SYNE1: variants seen among roughly 807,000 people sequenced by gnomAD.
SYNE1 encodes the protein nesprin-1.
A neutral mutation model predicts 1,111.0 loss-of-function variants in SYNE1; 616 were observed. The observed-to-expected ratio is 0.55, with a 90% CI of 0.52 to 0.59. The LOEUF is 0.59. Among genes scored for constraint, SYNE1 ranks in the 20% least tolerant of loss-of-function variants. The probability of loss-of-function intolerance (pLI) is 0.00; values close to 1 mark genes in which losing one functional copy is unlikely to be tolerated. For synonymous variants in SYNE1, 3,855 were observed against 3,825.8 expected, an observed-to-expected ratio of 1.01 and a Z score of -0.28; for missense variants, 10,006 against 10,417.0, an observed-to-expected ratio of 0.96 and a Z score of 1.72.
At chr6:152,514,490 C>G (rs2099101362) in intron 6 of SYNE1, among the ~76,000 whole-genome samples, 6 of 151,870 alleles carry the variant, frequency 4.0e-5, no homozygotes, top group Admixed American at 3.9e-4. Flanking sequence ...GGGTAGGGGA[C>G]TAGGGGAGGG....
At chr6:152,387,661 T>C (rs1379341141) in intron 53 of SYNE1, among the ~76,000 whole-genome samples, 1 of 152,222 alleles carries the variant, frequency 6.6e-6, no homozygotes, top group Non-Finnish European at 1.5e-5. Flanking sequence ...CTATTCTAAA[T>C]GAGCAATATA....
chr6:152,458,997 A>T, intron 21 of SYNE1, 67 bp from the exon 22 acceptor site: 1 of 1,402,064 alleles, frequency 7.1e-7, no homozygotes, highest in Non-Finnish European at 1.0e-6. Flanking sequence ...GGGAACGTTC[A>T]TAGCTCTGAG....
intron 135 of SYNE1, among the ~76,000 whole-genome samples, chr6:152,150,944 G>A (rs2152906766): frequency 6.6e-6 from 1 of 152,218 alleles, no homozygotes; most frequent in East Asian, 1.9e-4. Flanking sequence ...AGGAAGGGTG[G>A]CTCACACCTG....
intron 3 of SYNE1, among the ~76,000 whole-genome samples, chr6:152,569,451 A>G (rs960969846): frequency 3.3e-5 from 5 of 152,208 alleles, no homozygotes; most frequent in African/African-American, 9.6e-5. Context: ...CATATGTATC[A>G]GTGCTTATAT....
At chr6:152,244,825 T>C (rs1283588120) in intron 105 of SYNE1, among the ~76,000 whole-genome samples, 169 bp from the exon 106 acceptor site, 9 of 152,116 alleles carry the variant, frequency 5.9e-5, no homozygotes, top group Admixed American at 5.9e-4. Context: ...TCAGAGGGTA[T>C]ATAGAAAACA....
At position 152,201,901 on chromosome 6, in the gene SYNE1, G is replaced by A. The variant is rs749432519; in HGVS notation, c.23068C>T (p.Arg7690Ter). The change falls in exon 127 of 146, where the codon CGA becomes TGA. Residue 7690 changes from arginine to a stop codon, truncating the protein, a stop_gained. Transcript: ENST00000367255. LOFTEE classifies it high-confidence loss of function. ...KGIADSLEKL[R>*]TFKKKLSQSL... ...TGCGAAAGCTTCTTTTTGAAAGTTC[G>A]TAGTTTCTCCAGGGAATCTGCTATT... is the stretch of plus-strand genomic sequence containing the variant. 6.8e-6 allele frequency: 11 copies of A among 1,613,928 alleles called. No individual in the cohort carries two copies. Among genetic ancestry groups the A allele is most frequent in the Non-Finnish European group, 8.5e-6 (10 of 1,179,840 alleles).
intron 91 of SYNE1, among the ~76,000 whole-genome samples, chr6:152,305,296 C>T (rs989284701): frequency 6.6e-6 from 1 of 152,098 alleles, no homozygotes; most frequent in Non-Finnish European, 1.5e-5. Flanking sequence ...GACAGAGTCT[C>T]TCTCTGTTGC....
chr6:152,628,416 G>T lies in SYNE1; in HGVS notation c.-85C>A. 1 of 1,341,994 alleles carries T rather than the reference G, an allele frequency of 7.5e-7. No homozygotes were observed. The allele number at this position is 1,341,994 out of a possible 1,614,324, so 83.1% of individuals were successfully genotyped here. On this transcript the variant is annotated 5_prime_UTR_variant, in exon 3 of 146. Transcript: ENST00000367255. The stretch of plus-strand genomic sequence containing the variant: ...CTACACCACTCTAGAAAACATGCTT[G>T]GACTTTTCTAGATCTATTCTGTCAT...
rs1178505041 is a variant in SYNE1, at chr6:152,354,655, G to A, written c.10926+4C>T. On this transcript the variant is annotated splice_donor_region_variant and intron_variant, in intron 67 of 145. Coordinates refer to ENST00000367255, the MANE Select transcript of SYNE1 (RefSeq NM_182961.4). ...CAAAGATCAGGAATCTACATGAGTT[G>A]TACCTTCATCTGATGTAATTGTATC... 1.2e-6 allele frequency: 2 copies of A among 1,613,964 alleles called. No individual in the cohort carries two copies. Among genetic ancestry groups the A allele is most frequent in the African/African-American group, 2.7e-5 (2 of 74,942 alleles).
intron 10 of SYNE1, among the ~76,000 whole-genome samples, chr6:152,499,667 C>T (rs1162751190): frequency 1.3e-5 from 2 of 151,864 alleles, no homozygotes; most frequent in East Asian, 3.9e-4. Flanking sequence ...AAATATAAGC[C>T]CTATGTCATA....
chr6:152,409,297 T>C (rs958305468), intron 43 of SYNE1, 71 bp from the exon 44 acceptor site: 2 of 1,475,482 alleles, frequency 1.4e-6, no homozygotes, highest in Non-Finnish European at 1.9e-6. Flanking sequence ...CATTTGTCTC[T>C]AAGAAATTTA....
intron 126 of SYNE1, among the ~76,000 whole-genome samples, chr6:152,202,380 A>AAAAAAGCAAAAAAAG (rs2075677755): frequency 2.0e-5 from 3 of 149,062 alleles, no homozygotes; most frequent in African/African-American, 7.7e-5. Flanking sequence ...GCAAAAAAAA[A>AAAAAAGCAAAAAAAG]AAAGAACAAA....
chr6:152,585,930 G>A (rs548689623), intron 3 of SYNE1, among the ~76,000 whole-genome samples: 1 of 152,178 alleles, frequency 6.6e-6, no homozygotes, highest in South Asian at 2.1e-4. Context: ...GCATGTGTTT[G>A]GGGTGTCTGT....
At chr6:152,624,875 T>A (rs1422971715) in intron 3 of SYNE1, among the ~76,000 whole-genome samples, 1 of 152,130 alleles carries the variant, frequency 6.6e-6, no homozygotes, top group East Asian at 1.9e-4. Context: ...GGAAAAATAG[T>A]CAGCAATTAT....
At chr6:152,594,119 C>A (rs1037555170) in intron 3 of SYNE1, among the ~76,000 whole-genome samples, 7 of 152,146 alleles carry the variant, frequency 4.6e-5, no homozygotes, top group African/African-American at 1.7e-4. Flanking sequence ...GTCAGGTGCA[C>A]AAAGTCAAGG....
intron 128 of SYNE1, among the ~76,000 whole-genome samples, chr6:152,186,556 CAAAAAAAAAAAAAAAAAAAA>C (rs59187571): frequency 1.3e-3 from 49 of 38,028 alleles, no homozygotes; most frequent in African/African-American, 2.5e-3. Flanking sequence ...AGCTCTGTGT[CAAAAAAAAAAAAAAAAAAAA>C]AAAAAAAAAA....
At chr6:152,540,647 T>C (rs1594966846) in intron 3 of SYNE1, among the ~76,000 whole-genome samples, 1 of 152,122 alleles carries the variant, frequency 6.6e-6, no homozygotes, top group Non-Finnish European at 1.5e-5. Flanking sequence ...ATGACAAAGG[T>C]GATGAGATGT....
chr6:152,552,299 A>C (rs928476130), intron 3 of SYNE1, among the ~76,000 whole-genome samples: 1 of 152,120 alleles, frequency 6.6e-6, no homozygotes, highest in Non-Finnish European at 1.5e-5. Context: ...CTTTATCTTA[A>C]GTAGGTTCAG....
chr6:152,463,241 A>G, intron 19 of SYNE1, 112 bp downstream of exon 19: 7 of 1,458,006 alleles, frequency 4.8e-6, no homozygotes, highest in Non-Finnish European at 6.7e-6. Context: ...AAACATATCT[A>G]TGCTTTGCCT....
Sources: allele counts gnomAD v4.1 joint callset (sites outside exome capture counted in the v4.1 genomes callset), GRCh38; gene constraint gnomAD v4.1.1; transcripts MANE v1.5; gene names NCBI Gene and HGNC (gene_info 2026-07-23, HGNC 2026-07-21).